The following EED variants were observed in gnomAD, a reference collection of about 807,000 sequenced individuals.
EED encodes polycomb protein EED.
In EED, 9 loss-of-function variants were observed where a neutral mutation model predicts 61.0. The observed-to-expected ratio is 0.15, with a 90% CI of 0.09 to 0.26. The LOEUF is 0.26. EED is among the 10% of genes least tolerant of loss of function. The pLI is 1.00. For missense variants in EED, 315 were observed against 542.3 expected, an observed-to-expected ratio of 0.58 and a Z score of 4.16; for synonymous variants, 187 against 174.4, an observed-to-expected ratio of 1.07 and a Z score of -0.57.
intron 1 of EED, among the ~76,000 whole-genome samples, chr11:86,248,408 A>G (rs1945443202): frequency 1.3e-5 from 2 of 152,204 alleles, no homozygotes; most frequent in South Asian, 2.1e-4. Context: ...GCCAGAATGT[A>G]AAGAAACTGA....
rs769509211 is a variant in EED, at chr11:86,277,907, T to C, written c.1126-11T>C. The C allele has an allele frequency of 1.2e-5, 19 of 1,526,468 alleles. No individual in the cohort carries two copies. The South Asian group carries it at 2.4e-4, about 19-fold the overall frequency. The allele number at this position is 1,526,468 out of a possible 1,614,324, so 94.6% of individuals were successfully genotyped here. A position where few individuals can be genotyped will look rare whatever the true frequency, so the allele number is the denominator to read the frequency against. On this transcript the variant is annotated splice_polypyrimidine_tract_variant and intron_variant, in intron 10 of 11. Coordinates refer to ENST00000263360, the MANE Select transcript of EED (RefSeq NM_003797.5). ...TATTAATTTGATGTTTTTAAAAATA[T>C]GTTTATACAGATGCTTGCATTGGGC...
intron 5 of EED, 26 bp from the exon 6 acceptor site, chr11:86,257,489 C>G: frequency 6.4e-7 from 1 of 1,559,600 alleles, no homozygotes. Flanking sequence ...AGATAGGAAA[C>G]TTGAAATGTT....
intron 3 of EED, among the ~76,000 whole-genome samples, chr11:86,252,591 G>A (rs559695331): frequency 2.6e-5 from 4 of 150,974 alleles, no homozygotes; most frequent in African/African-American, 4.9e-5. Context: ...AGAACTGGCT[G>A]TGATTTTTTT....
chr11:86,279,674 T>C (rs1946301417), downstream of EED, among the ~76,000 whole-genome samples: 1 of 152,228 alleles, frequency 6.6e-6, no homozygotes, highest in African/African-American at 2.4e-5. Flanking sequence ...TCTATAAATA[T>C]GTATATTTTT....
intron 9 of EED, among the ~76,000 whole-genome samples, chr11:86,269,828 A>C (rs999717995): frequency 6.6e-6 from 1 of 152,146 alleles, no homozygotes; most frequent in Non-Finnish European, 1.5e-5. Context: ...TGCCTGTATC[A>C]GTAGTTCTCC....
At chr11:86,275,297 A>C (rs190477992) in intron 9 of EED, among the ~76,000 whole-genome samples, 111 of 152,326 alleles carry the variant, frequency 7.3e-4, no homozygotes, top group African/African-American at 2.6e-3. Context: ...AAAAGCTATT[A>C]GCTTTTTAAA....
At chr11:86,262,580 G>C (rs1436719410) in intron 6 of EED, among the ~76,000 whole-genome samples, 1 of 152,122 alleles carries the variant, frequency 6.6e-6, no homozygotes, top group East Asian at 1.9e-4. Context: ...GATTCAGCAT[G>C]AAGGCCCTCA....
intron 1 of EED, among the ~76,000 whole-genome samples, chr11:86,246,304 A>G (rs1421623828): frequency 6.6e-6 from 1 of 152,250 alleles, no homozygotes; most frequent in Non-Finnish European, 1.5e-5. Context: ...CCAAAATGTG[A>G]TTCTCCTTCT....
intron 7 of EED, 51 bp from the exon 8 acceptor site, chr11:86,266,032 A>C: frequency 1.3e-6 from 2 of 1,492,130 alleles, no homozygotes; most frequent in Non-Finnish European, 1.8e-6. Context: ...AAATTGGATA[A>C]ATATAATTTG....
At chr11:86,256,100 A>G (rs1394432025) in intron 4 of EED, among the ~76,000 whole-genome samples, 1 of 152,158 alleles carries the variant, frequency 6.6e-6, no homozygotes, top group Non-Finnish European at 1.5e-5. Context: ...AACCATGCCC[A>G]TTCATTTGTA....
chr11:86,259,233 A>C (rs988574984), intron 6 of EED, among the ~76,000 whole-genome samples: 8 of 150,826 alleles, frequency 5.3e-5, no homozygotes, highest in Non-Finnish European at 8.9e-5. Context: ...TAAAAATCAG[A>C]AGTTTGAGCA....
chr11:86,252,289 G>A (rs775418896), intron 3 of EED, 49 bp downstream of exon 3: 18 of 1,291,494 alleles, frequency 1.4e-5, no homozygotes, highest in Non-Finnish European at 2.0e-5. Context: ...TCCAGATCTG[G>A]TGTTAATGTA....
chr11:86,283,395 T>C (rs1026823800), downstream of EED, among the ~76,000 whole-genome samples: 4 of 152,236 alleles, frequency 2.6e-5, no homozygotes, highest in Admixed American at 6.5e-5. Context: ...TCTCCTTGTT[T>C]TGTTACTCTC....
At chr11:86,284,193 C>G in the EED span, 2 of 152,192 alleles carry the variant, frequency 1.3e-5, no homozygotes, top group Admixed American at 6.5e-5. Context: ...CTCATCAGGA[C>G]AGCAGATTCT....
In EED at chr11:86,245,073, G is replaced by C. The variant is rs1362025654; in HGVS notation, c.-157G>C. The C allele has an allele frequency of 4.6e-5, 26 of 565,494 alleles. No homozygotes were observed. Among genetic ancestry groups the C allele is most frequent in the African/African-American group, 3.5e-4 (17 of 49,260 alleles). 35.0% of individuals were successfully genotyped at this position (565,494 alleles called of 1,614,324 possible). ...GTGTGGCGGGGTCGCACGCACGCCC[G>C]CCTCGGCGGCTGGGCGCGATTTGCG... On this transcript the variant is annotated 5_prime_UTR_variant, in exon 1 of 12. Transcript: ENST00000263360.
At chr11:86,261,673 C>T (rs1056329670) in intron 6 of EED, among the ~76,000 whole-genome samples, 1 of 152,252 alleles carries the variant, frequency 6.6e-6, no homozygotes, top group Admixed American at 6.5e-5. Flanking sequence ...CTCCACAGTT[C>T]CTGCATTCTC....
At chr11:86,287,609 C>T in the EED span, among the ~76,000 whole-genome samples, 1 of 152,172 alleles carries the variant, frequency 6.6e-6, no homozygotes, top group Non-Finnish European at 1.5e-5. Flanking sequence ...ACTGGGTTGC[C>T]AGAAAATCAT....
intron 8 of EED, chr11:86,268,234 A>G: frequency 5.0e-6 from 2 of 402,158 alleles, no homozygotes; most frequent in South Asian, 4.0e-5. Flanking sequence ...TATCTATCAT[A>G]GGACAAAGAT....
At chr11:86,276,031 C>G (rs1462920031) in intron 9 of EED, 1 of 152,158 alleles carries the variant, frequency 6.6e-6, no homozygotes, top group Non-Finnish European at 1.5e-5. Context: ...GGGCACTGTT[C>G]ACTTACATGA....
Sources: allele counts gnomAD v4.1 joint callset (sites outside exome capture counted in the v4.1 genomes callset), GRCh38; gene constraint gnomAD v4.1.1; transcripts MANE v1.5; gene names NCBI Gene and HGNC (gene_info 2026-07-23, HGNC 2026-07-21).